Variants in KIRREL1 observed in about 807,000 individuals in gnomAD.
KIRREL1 encodes the protein kirre like nephrin family adhesion molecule 1, also known as kin of IRRE-like protein 1.
KIRREL1 carries 25 observed loss-of-function variants against 83.3 expected under a neutral mutation model. The observed-to-expected ratio is 0.30, with a 90% CI of 0.22 to 0.42. The LOEUF is 0.42. KIRREL1 is among the 10% of genes least tolerant of loss of function. The pLI, the probability that KIRREL1 is intolerant of heterozygous loss-of-function variation, is 1.00. For missense variants in KIRREL1, 812 were observed against 1,032.3 expected (o/e 0.79, Z 2.92); for synonymous variants, 388 against 410.4 (o/e 0.95, Z 0.66).
chr1:157,994,730 CACAA>C (rs1346059050), intron 1 of KIRREL1, among the ~76,000 whole-genome samples: 2 of 152,206 alleles, frequency 1.3e-5, no homozygotes, highest in Non-Finnish European at 2.9e-5. Flanking sequence ...GAAATTGACA[CACAA>C]ACACCGTAAA....
chr1:158,033,987 A>T (rs1012500932), intron 1 of KIRREL1, among the ~76,000 whole-genome samples: 1 of 150,662 alleles, frequency 6.6e-6, no homozygotes, highest in Non-Finnish European at 1.5e-5. Context: ...GAAAAAAAAA[A>T]AGAAGGCTGG....
At position 158,089,553 on chromosome 1, in the gene KIRREL1, G is replaced by A. The variant is rs1662126873; in HGVS notation, c.1096G>A (p.Ala366Thr). The A allele has an allele frequency of 4.3e-6, 7 of 1,614,050 alleles. No homozygotes were observed. The highest frequency in any genetic ancestry group is 1.7e-5 in the Admixed American group (1 of 59,998). The change falls in exon 9 of 15, where the codon GCT becomes ACT. Residue 366 changes from alanine (A) to threonine (T), a missense_variant. Ala to Thr is a moderately conservative substitution (Grantham distance 58). Transcript: ENST00000359209. Reference protein sequence around the residue: ...LLLKSVTQADAGTYTCRAIVP... With the variant: ...LLLKSVTQADTGTYTCRAIVP... ...GCTGAAGTCGGTGACTCAGGCAGAC[G>A]CTGGCACCTACACCTGCCGGGCCAT...
At chr1:158,072,655 CCT>C (rs1235645070) in intron 1 of KIRREL1, among the ~76,000 whole-genome samples, 16 of 151,990 alleles carry the variant, frequency 1.1e-4, no homozygotes. Context: ...ACAAAGGCCT[CCT>C]CTCAGTGAGA....
chr1:158,061,138 G>A (rs1190944384), intron 1 of KIRREL1, among the ~76,000 whole-genome samples: 1 of 151,824 alleles, frequency 6.6e-6, no homozygotes, highest in African/African-American at 2.4e-5. Context: ...AGGTTTGTGA[G>A]CTTGATTGAT....
chr1:158,067,134 C>T (rs1322998556), intron 1 of KIRREL1, among the ~76,000 whole-genome samples: 2 of 152,170 alleles, frequency 1.3e-5, no homozygotes, highest in Non-Finnish European at 2.9e-5. Flanking sequence ...GCATCACTTC[C>T]AGCCTTTTCC....
At chr1:158,035,818 CCA>C (rs1660461321) in intron 1 of KIRREL1, among the ~76,000 whole-genome samples, 1 of 152,270 alleles carries the variant, frequency 6.6e-6, no homozygotes, top group East Asian at 1.9e-4. Flanking sequence ...GTGATTTTAG[CCA>C]CAGTCTATGT....
At chr1:158,020,851 C>T (rs775546273) in intron 1 of KIRREL1, among the ~76,000 whole-genome samples, 1 of 152,150 alleles carries the variant, frequency 6.6e-6, no homozygotes, top group Non-Finnish European at 1.5e-5. Flanking sequence ...AAAGAAATAA[C>T]TTTTGTATTA....
At chr1:158,064,436 T>C (rs1391870767) in intron 1 of KIRREL1, among the ~76,000 whole-genome samples, 1 of 152,184 alleles carries the variant, frequency 6.6e-6, no homozygotes, top group African/African-American at 2.4e-5. Flanking sequence ...TACAAATTGA[T>C]TATTTGATGG....
chr1:158,090,760 A>AG (rs1476321979), intron 10 of KIRREL1, among the ~76,000 whole-genome samples: 2 of 152,216 alleles, frequency 1.3e-5, no homozygotes, highest in Non-Finnish European at 1.5e-5. Flanking sequence ...GGTTGGTTAA[A>AG]GGTACGCCTA....
chr1:158,036,757 T>C (rs966226981), intron 1 of KIRREL1, among the ~76,000 whole-genome samples: 43 of 152,350 alleles, frequency 2.8e-4, no homozygotes, highest in African/African-American at 9.9e-4. Context: ...TGAGGCCTCC[T>C]GATGCTTATG....
intron 1 of KIRREL1, among the ~76,000 whole-genome samples, chr1:158,057,867 T>C (rs1661107308): frequency 6.6e-6 from 1 of 152,234 alleles, no homozygotes; most frequent in Non-Finnish European, 1.5e-5. Flanking sequence ...AGTGTCCTTA[T>C]CTGGAAAACG....
chr1:158,036,061 A>G (rs1010800249), intron 1 of KIRREL1, among the ~76,000 whole-genome samples: 1 of 152,140 alleles, frequency 6.6e-6, no homozygotes, highest in Non-Finnish European at 1.5e-5. Context: ...TCCTAAACCA[A>G]CAGTCAAAAC....
intron 1 of KIRREL1, among the ~76,000 whole-genome samples, chr1:158,042,378 G>A (rs1660654299): frequency 6.6e-6 from 1 of 152,116 alleles, no homozygotes; most frequent in African/African-American, 2.4e-5. Context: ...GTTTTCACTG[G>A]GAGGCAGCTA....
At chr1:158,091,067 C>T (rs1310690324) in intron 10 of KIRREL1, among the ~76,000 whole-genome samples, 6 of 152,224 alleles carry the variant, frequency 3.9e-5, no homozygotes, top group Non-Finnish European at 8.8e-5. Flanking sequence ...CCTGGAGATT[C>T]CTATTTAGGA....
In KIRREL1 at chr1:158,094,789, C is replaced by G. The variant is rs952480979; in HGVS notation, c.1943C>G (p.Ala648Gly). 2 of 1,614,030 alleles carry G rather than the reference C, an allele frequency of 1.2e-6. No homozygotes were observed. The highest frequency in any genetic ancestry group is 1.7e-6 in the Non-Finnish European group (2 of 1,179,992). ...CGTCTCTCCCACTCCAGCGGCTATG[C>G]CCAGCTCAACACCTATAGCCGGGGC... ...SSRLSHSSGY[A>G]QLNTYSRGPA... The change falls in exon 15 of 15, where the codon GCC becomes GGC. Residue 648 changes from alanine to glycine, a missense_variant. Transcript: ENST00000359209. The surrounding 1 kb of genome is among the most constrained non-coding windows in gnomAD (Gnocchi z 4.6).
At chr1:158,078,230 C>T in intron 3 of KIRREL1, 90 bp downstream of exon 3, 1 of 1,348,792 alleles carries the variant, frequency 7.4e-7, no homozygotes, top group Non-Finnish European at 1.0e-6. Context: ...TCTTTAATTT[C>T]CCAGCTTCTC....
At chr1:158,009,198 C>T (rs1370807102) in intron 1 of KIRREL1, among the ~76,000 whole-genome samples, 2 of 152,140 alleles carry the variant, frequency 1.3e-5, no homozygotes, top group Admixed American at 6.5e-5. Context: ...TTCAGGTCCC[C>T]GAGAAGCGGA....
At chr1:158,062,106 A>T (rs1189012209) in intron 1 of KIRREL1, among the ~76,000 whole-genome samples, 3 of 152,292 alleles carry the variant, frequency 2.0e-5, no homozygotes, top group East Asian at 3.9e-4. Context: ...CACTAAAATC[A>T]TGTCCCCCAC....
At chr1:158,058,155 G>A (rs1384853329) in intron 1 of KIRREL1, among the ~76,000 whole-genome samples, 1 of 152,092 alleles carries the variant, frequency 6.6e-6, no homozygotes, top group African/African-American at 2.4e-5. Context: ...GCTCCCAGAG[G>A]GCCAGGCCTC....
Sources: allele counts gnomAD v4.1 joint callset (sites outside exome capture counted in the v4.1 genomes callset), GRCh38; gene constraint gnomAD v4.1.1; non-coding constraint Gnocchi (gnomAD v3.1); transcripts MANE v1.5; gene names NCBI Gene and HGNC (gene_info 2026-07-23, HGNC 2026-07-21).